PGBD5: variants seen among roughly 807,000 people sequenced by gnomAD.
The protein encoded by PGBD5 is piggyBac transposable element derived 5, also known as piggyBac transposable element-derived protein 5.
In PGBD5, 14 loss-of-function variants were observed where a neutral mutation model predicts 47.9. The ratio of observed to expected loss-of-function variants is 0.29; its 90% CI spans 0.19 to 0.46. PGBD5 has a LOEUF of 0.46. PGBD5 is among the 20% of genes least tolerant of loss of function. The pLI, the probability that PGBD5 is intolerant of heterozygous loss-of-function variation, is 1.00. For synonymous variants in PGBD5, 316 were observed against 306.3 expected (o/e 1.03, Z -0.33); for missense variants, 635 against 716.0 (o/e 0.89, Z 1.29).
chr1:230,400,136 CT>C (rs1657098452), intron 1 of PGBD5, among the ~76,000 whole-genome samples: 1 of 152,244 alleles, frequency 6.6e-6, no homozygotes, highest in South Asian at 2.1e-4. Context: ...CGCCTTCCTC[CT>C]TCCTCCGCGC....
At chr1:230,411,153 C>T (rs1370243977) in intron 1 of PGBD5, among the ~76,000 whole-genome samples, 6 of 152,052 alleles carry the variant, frequency 3.9e-5, no homozygotes, top group Non-Finnish European at 7.4e-5. Flanking sequence ...TATGGTGGCA[C>T]ACGCCTGTAG....
chr1:230,405,969 GAC>G (rs1339638072), intron 1 of PGBD5, among the ~76,000 whole-genome samples: 3 of 152,180 alleles, frequency 2.0e-5, no homozygotes, highest in Admixed American at 2.0e-4. Flanking sequence ...ATAATTCTAA[GAC>G]ACAACTCAGA....
intron 3 of PGBD5, among the ~76,000 whole-genome samples, chr1:230,350,146 G>C (rs1176212153): frequency 6.6e-6 from 1 of 152,248 alleles, no homozygotes; most frequent in Non-Finnish European, 1.5e-5. Context: ...AAGTGAGCGT[G>C]CGGTCAGCAG....
At chr1:230,400,632 G>A (rs1018985269) in intron 1 of PGBD5, among the ~76,000 whole-genome samples, 10 of 151,694 alleles carry the variant, frequency 6.6e-5, no homozygotes, top group African/African-American at 2.4e-4. Flanking sequence ...TATTTCTCAT[G>A]TGCCAGACAC....
At chr1:230,343,210 C>CTG (rs1286943303) in intron 3 of PGBD5, among the ~76,000 whole-genome samples, 1 of 152,236 alleles carries the variant, frequency 6.6e-6, no homozygotes, top group Non-Finnish European at 1.5e-5. Flanking sequence ...CCGCTGACCC[C>CTG]TGTGGGAGCC....
chr1:230,355,716 G>C (rs16851556), intron 2 of PGBD5, among the ~76,000 whole-genome samples: 41,513 of 152,092 alleles, frequency 0.27, 6,850 homozygotes, highest in East Asian at 0.41. Flanking sequence ...GAATCCACAC[G>C]GGACTGTGGG....
At chr1:230,416,877 G>C (rs914623217) in intron 1 of PGBD5, among the ~76,000 whole-genome samples, 1 of 152,172 alleles carries the variant, frequency 6.6e-6, no homozygotes, top group Non-Finnish European at 1.5e-5. Flanking sequence ...AACTGAAACC[G>C]GGGCAGGGGC....
At chr1:230,351,956 G>A (rs1167974763) in intron 2 of PGBD5, among the ~76,000 whole-genome samples, 2 of 152,164 alleles carry the variant, frequency 1.3e-5, no homozygotes, top group Admixed American at 1.3e-4. Flanking sequence ...TCTTTCGGGA[G>A]GCTTTAGGAT....
Position 230,318,891 on chromosome 1 carries a change from AGTT to A in PGBD5, c.*4531_*4533del, listed in dbSNP as rs1355516304. 1 of 152,286 alleles carries A rather than the reference AGTT, an allele frequency of 6.6e-6. No homozygotes were observed. The highest frequency in any genetic ancestry group is 1.5e-5 in the Non-Finnish European group (1 of 68,100). 9.4% of individuals were successfully genotyped at this position (152,286 alleles called of 1,614,324 possible). A position where few individuals can be genotyped will look rare whatever the true frequency, so the allele number is the denominator to read the frequency against. On this transcript the variant is annotated 3_prime_UTR_variant, in exon 7 of 7. Transcript: ENST00000391860. Reference sequence around the variant, plus strand: ...CTACCAGGCTAACTTCAGCTTCAGTAGTTGTTAAGCTCCAAAACACCCATCTCC... The same window carrying A: ...CTACCAGGCTAACTTCAGCTTCAGTAGTTAAGCTCCAAAACACCCATCTCC...
chr1:230,405,154 T>C (rs6684592), intron 1 of PGBD5, among the ~76,000 whole-genome samples: 31,218 of 146,958 alleles, frequency 0.21, 3,708 homozygotes, highest in Admixed American at 0.38. Context: ...GAGATTGCGC[T>C]ACTGCACTCC....
intron 1 of PGBD5, among the ~76,000 whole-genome samples, chr1:230,388,102 C>T (rs1349110714): frequency 6.6e-6 from 1 of 152,204 alleles, no homozygotes; most frequent in Non-Finnish European, 1.5e-5. Flanking sequence ...CTGAAATGTG[C>T]ATCCCTGCTC....
intron 1 of PGBD5, among the ~76,000 whole-genome samples, chr1:230,416,172 T>C (rs1468795245): frequency 3.3e-5 from 5 of 152,158 alleles, no homozygotes; most frequent in Non-Finnish European, 7.4e-5. Flanking sequence ...CTCAAGACTG[T>C]ATTAAATTCC....
At chr1:230,360,100 T>C (rs1364801096) in intron 1 of PGBD5, among the ~76,000 whole-genome samples, 3 of 152,244 alleles carry the variant, frequency 2.0e-5, no homozygotes, top group Non-Finnish European at 2.9e-5. Flanking sequence ...AAAACCAGCA[T>C]TTTAATTGCT....
intron 5 of PGBD5, among the ~76,000 whole-genome samples, chr1:230,332,637 G>C (rs1667238046): frequency 6.6e-6 from 1 of 152,130 alleles, no homozygotes; most frequent in Non-Finnish European, 1.5e-5. Flanking sequence ...AACGAACAGG[G>C]AGCTCTTTCC....
intron 3 of PGBD5, among the ~76,000 whole-genome samples, chr1:230,343,016 C>T (rs1667429919): frequency 6.6e-6 from 1 of 152,182 alleles, no homozygotes; most frequent in Non-Finnish European, 1.5e-5. Flanking sequence ...GACAATGCTG[C>T]TTGTGTCATC....
chr1:230,353,593 T>C lies in PGBD5; in HGVS notation c.760-2501A>G, dbSNP rs184779798. ...AGCTGAGTGTGTGAGGTGAGTGTGC[T>C]GTGTGTTTGGAGTGCAGCCCTGAAG... On this transcript the variant is annotated intron_variant, in intron 2 of 6. Transcript: ENST00000391860. Among the ~76,000 whole-genome samples, 4 of 152,224 alleles carry C rather than the reference T, an allele frequency of 2.6e-5. No individual in the cohort carries two copies. In the East Asian group the frequency reaches 7.7e-4, roughly 29 times the overall value.
intron 1 of PGBD5, among the ~76,000 whole-genome samples, chr1:230,394,407 C>T (rs1482074160): frequency 2.0e-5 from 3 of 151,424 alleles, no homozygotes; most frequent in East Asian, 2.0e-4. Context: ...GCTCCTCCCC[C>T]GCTGCCCACA....
intron 1 of PGBD5, among the ~76,000 whole-genome samples, chr1:230,396,912 T>G (rs1264845557): frequency 1.3e-5 from 2 of 152,138 alleles, no homozygotes; most frequent in Non-Finnish European, 2.9e-5. Context: ...CCACTCACAT[T>G]TAAAATCACG....
chr1:230,385,954 C>T (rs1656627417), intron 1 of PGBD5, among the ~76,000 whole-genome samples: 1 of 152,128 alleles, frequency 6.6e-6, no homozygotes, highest in Non-Finnish European at 1.5e-5. Flanking sequence ...AACAAGCTCC[C>T]CAGCAACCTG....
Sources: allele counts gnomAD v4.1 joint callset (sites outside exome capture counted in the v4.1 genomes callset), GRCh38; gene constraint gnomAD v4.1.1; transcripts MANE v1.5; gene names NCBI Gene and HGNC (gene_info 2026-07-23, HGNC 2026-07-21).